The following CACNA2D3 variants were observed in gnomAD, a reference collection of about 807,000 sequenced individuals.
The protein encoded by CACNA2D3 is voltage-dependent calcium channel subunit alpha-2/delta-3.
A neutral mutation model predicts 160.6 loss-of-function variants in CACNA2D3; 60 were observed. That is an observed-to-expected ratio of 0.37 (90% CI 0.30 to 0.46). The LOEUF (loss-of-function observed/expected upper bound fraction) is 0.46. Among genes scored for constraint, CACNA2D3 ranks in the 20% least tolerant of loss-of-function variants. CACNA2D3 has a pLI of 1.00. For synonymous variants in CACNA2D3, 558 were observed against 492.9 expected (o/e 1.13, Z -1.75); for missense variants, 1,205 against 1,365.0 (o/e 0.88, Z 1.85).
chr3:54,896,815 A>G lies in CACNA2D3; in HGVS notation c.2313A>G (p.Arg771=), dbSNP rs773536696. 1.1e-5 allele frequency: 17 copies of G among 1,614,008 alleles called. No homozygotes were observed. In the South Asian group the frequency reaches 1.9e-4, roughly 18 times the overall value. The change falls in exon 26 of 38, where the codon CGA becomes CGG. Residue 771 remains arginine, a synonymous_variant. Transcript: ENST00000474759. ...FNADHFPLWY[R]RAAEQIPGSF... is the part of the protein sequence containing the mutation. ...CAGACCATTTCCCTCTCTGGTACCG[A>G]AGAGCCGCTGAGCAGATTCCAGGGA...
intron 2 of CACNA2D3, among the ~76,000 whole-genome samples, chr3:54,260,493 A>G (rs1374055083): frequency 2.0e-5 from 3 of 152,132 alleles, no homozygotes; most frequent in African/African-American, 4.8e-5. Context: ...CTTTTCTTAT[A>G]AAGCCACCAG....
chr3:54,343,701 C>A (rs892156795), intron 3 of CACNA2D3, among the ~76,000 whole-genome samples: 2 of 152,130 alleles, frequency 1.3e-5, no homozygotes, highest in African/African-American at 4.8e-5. Context: ...GAGCCACCAT[C>A]CCCAGTGGAG....
At chr3:54,515,769 A>T (rs1018206550) in intron 5 of CACNA2D3, among the ~76,000 whole-genome samples, 1 of 152,228 alleles carries the variant, frequency 6.6e-6, no homozygotes, top group Non-Finnish European at 1.5e-5. Flanking sequence ...TGCCTCAAAT[A>T]TGAAGAACAT....
chr3:54,626,187 G>C (rs1171149042), intron 9 of CACNA2D3: 2 of 742,924 alleles, frequency 2.7e-6, no homozygotes, highest in African/African-American at 1.7e-5. Flanking sequence ...GCGCGGACCA[G>C]AGAGCTCTTT....
At chr3:54,342,155 A>G (rs994327210) in intron 3 of CACNA2D3, among the ~76,000 whole-genome samples, 1 of 152,208 alleles carries the variant, frequency 6.6e-6, no homozygotes, top group Non-Finnish European at 1.5e-5. Context: ...TAAAAGTACT[A>G]TAGCAGTAGT....
At chr3:54,662,719 C>G (rs1240176793) in intron 11 of CACNA2D3, among the ~76,000 whole-genome samples, 4 of 152,180 alleles carry the variant, frequency 2.6e-5, no homozygotes, top group Non-Finnish European at 4.4e-5. Context: ...TCAGGTCCAC[C>G]TGGCTGGTGC....
At chr3:54,762,949 G>T (rs1436931023) in intron 12 of CACNA2D3, among the ~76,000 whole-genome samples, 1 of 152,074 alleles carries the variant, frequency 6.6e-6, no homozygotes, top group Non-Finnish European at 1.5e-5. Context: ...ACAGCCGGGC[G>T]TGGTGGCGGG....
chr3:54,743,706 T>A (rs1194720123), intron 11 of CACNA2D3, among the ~76,000 whole-genome samples: 1 of 152,202 alleles, frequency 6.6e-6, no homozygotes, highest in Admixed American at 6.5e-5. Flanking sequence ...GAATCTGTAA[T>A]CCTTCTTGAG....
At chr3:54,437,305 A>C (rs571405378) in intron 4 of CACNA2D3, among the ~76,000 whole-genome samples, 2 of 152,326 alleles carry the variant, frequency 1.3e-5, no homozygotes, top group Admixed American at 1.3e-4. Flanking sequence ...GACCTTTTTC[A>C]AGACATTTTC....
chr3:54,207,951 C>G (rs941976403), intron 2 of CACNA2D3, among the ~76,000 whole-genome samples: 1 of 152,192 alleles, frequency 6.6e-6, no homozygotes, highest in Non-Finnish European at 1.5e-5. Flanking sequence ...GAATCCACAT[C>G]CCCTGCCACT....
In CACNA2D3 at chr3:54,642,196, C is replaced by A. The variant is rs527323851; in HGVS notation, c.1122C>A (p.Asp374Glu). ...TGCTCATAACTGATGGGGCGGTGGA[C>A]ACCTATGATACAATCTTTGCAAAAT... ...AIMLITDGAV[D>E]TYDTIFAKYN... Residue 374 changes from aspartate to glutamate, a missense_variant, in exon 11 of 38, where the codon GAC becomes GAA. Physicochemically the swap from Asp to Glu is conservative, Grantham distance 45. Transcript: ENST00000474759. 1.5e-5 allele frequency: 24 copies of A among 1,613,154 alleles called. No individual in the cohort carries two copies. Among genetic ancestry groups the A allele is most frequent in the Middle Eastern group, 3.3e-4 (2 of 6,060 alleles).
intron 14 of CACNA2D3, among the ~76,000 whole-genome samples, chr3:54,826,362 A>G (rs1271183579): frequency 6.6e-6 from 1 of 152,226 alleles, no homozygotes; most frequent in Non-Finnish European, 1.5e-5. Flanking sequence ...CCTGTACATC[A>G]GTGCTACCAA....
intron 9 of CACNA2D3, among the ~76,000 whole-genome samples, chr3:54,610,221 T>C (rs955495619): frequency 3.3e-5 from 5 of 152,196 alleles, no homozygotes; most frequent in African/African-American, 1.2e-4. Context: ...AAGATCACAT[T>C]CTAAGGTACT....
chr3:54,495,608 G>A (rs940469984), intron 4 of CACNA2D3, among the ~76,000 whole-genome samples: 2 of 152,122 alleles, frequency 1.3e-5, no homozygotes, highest in Admixed American at 6.5e-5. Context: ...AATTAGCAGG[G>A]TGTGGTGGTG....
At chr3:54,352,607 TC>T (rs1698583324) in intron 3 of CACNA2D3, among the ~76,000 whole-genome samples, 1 of 152,068 alleles carries the variant, frequency 6.6e-6, no homozygotes, top group African/African-American at 2.4e-5. Context: ...GCACTTCTGG[TC>T]CCCCAGGGAG....
At chr3:54,840,388 G>A (rs1299763198) in intron 16 of CACNA2D3, among the ~76,000 whole-genome samples, 2 of 146,774 alleles carry the variant, frequency 1.4e-5, no homozygotes, top group East Asian at 4.1e-4. Flanking sequence ...CATCTTGCAA[G>A]CAGGAGAACC....
intron 4 of CACNA2D3, among the ~76,000 whole-genome samples, chr3:54,424,100 G>A (rs567888966): frequency 6.6e-6 from 1 of 152,190 alleles, no homozygotes; most frequent in African/African-American, 2.4e-5. Flanking sequence ...TAGTGTCTGT[G>A]TGTGTGTGTG....
intron 27 of CACNA2D3, among the ~76,000 whole-genome samples, chr3:54,934,544 G>A (rs778812983): frequency 6.6e-6 from 1 of 152,330 alleles, no homozygotes; most frequent in Non-Finnish European, 1.5e-5. Context: ...AATTAGTGGA[G>A]TAGTGGGTTT....
chr3:54,669,706 T>C (rs993458359), intron 11 of CACNA2D3, among the ~76,000 whole-genome samples: 1 of 152,116 alleles, frequency 6.6e-6, no homozygotes, highest in African/African-American at 2.4e-5. Context: ...CTTCAGATGA[T>C]AGAGGAAGTT....
Sources: allele counts gnomAD v4.1 joint callset (sites outside exome capture counted in the v4.1 genomes callset), GRCh38; gene constraint gnomAD v4.1.1; transcripts MANE v1.5; gene names NCBI Gene and HGNC (gene_info 2026-07-23, HGNC 2026-07-21).